ASAP1: variants seen among roughly 807,000 people sequenced by gnomAD.
ASAP1 encodes arf-GAP with SH3 domain, ANK repeat and PH domain-containing protein 1.
A neutral mutation model predicts 145.2 loss-of-function variants in ASAP1; 43 were observed. The ratio of observed to expected loss-of-function variants is 0.30; its 90% confidence interval spans 0.23 to 0.38. ASAP1 has a LOEUF of 0.38. Among genes scored for constraint, ASAP1 ranks in the 10% least tolerant of loss-of-function variants. The pLI, the probability that ASAP1 is intolerant of heterozygous loss-of-function variation, is 1.00. For missense variants in ASAP1, 1,018 were observed against 1,355.3 expected (o/e 0.75, Z 3.91); for synonymous variants, 546 against 515.5 (o/e 1.06, Z -0.80).
rs116698365 is a variant in ASAP1 at position 130,137,346 on chromosome 8, T to A, written c.1081-308A>T. Among the ~76,000 whole-genome samples the A allele has an allele frequency of 3.7e-3, 563 of 152,336 alleles. 6 individuals are homozygous for A. The highest frequency in any genetic ancestry group is 0.013 in the African/African-American group (536 of 41,574). On this transcript the variant is annotated intron_variant, in intron 13 of 29. Coordinates refer to ENST00000518721, the MANE Select transcript of ASAP1 (RefSeq NM_018482.4). ...GGTGTCCTACTAAATGTCTTTAAACTGTGCATAAATATCCTGGTGATTTTT... is the reference window on the plus strand; with the variant it reads ...GGTGTCCTACTAAATGTCTTTAAACAGTGCATAAATATCCTGGTGATTTTT...
At chr8:130,243,717 G>T (rs1292187112) in intron 3 of ASAP1, among the ~76,000 whole-genome samples, 1 of 152,076 alleles carries the variant, frequency 6.6e-6, no homozygotes, top group Non-Finnish European at 1.5e-5. Flanking sequence ...ATCTAAACGG[G>T]CCTAGCTTGT....
chr8:130,071,107 C>A (rs2097445602), intron 27 of ASAP1, among the ~76,000 whole-genome samples: 1 of 150,726 alleles, frequency 6.6e-6, no homozygotes, highest in Non-Finnish European at 1.5e-5. Flanking sequence ...CTACCCGATG[C>A]AGTGATCCTA....
intron 2 of ASAP1, among the ~76,000 whole-genome samples, chr8:130,370,087 G>T (rs1827141414): frequency 6.6e-6 from 1 of 152,158 alleles, no homozygotes; most frequent in African/African-American, 2.4e-5. Context: ...GATCACCTGA[G>T]ATCAGGAGTT....
chr8:130,327,634 G>A (rs1453397216), intron 3 of ASAP1, among the ~76,000 whole-genome samples: 1 of 152,194 alleles, frequency 6.6e-6, no homozygotes, highest in African/African-American at 2.4e-5. Context: ...TGGAATAGCT[G>A]CTAAAGTAAG....
intron 13 of ASAP1, 34 bp downstream of exon 13, chr8:130,152,702 C>A (rs1284336391): frequency 6.5e-7 from 1 of 1,549,496 alleles, no homozygotes; most frequent in Admixed American, 1.7e-5. Flanking sequence ...GCTTTCTGGC[C>A]CATGAGGCAG....
chr8:130,295,639 C>A (rs1469105827), intron 3 of ASAP1, among the ~76,000 whole-genome samples: 1 of 152,190 alleles, frequency 6.6e-6, no homozygotes. Flanking sequence ...AACCCAGGAG[C>A]AGAAAAGCTT....
chr8:130,311,621 C>T (rs1823347303), intron 3 of ASAP1, among the ~76,000 whole-genome samples: 1 of 151,950 alleles, frequency 6.6e-6, no homozygotes, highest in South Asian at 2.1e-4. Context: ...ATTAGCTGGG[C>T]ATGGTGGCAC....
chr8:130,311,680 G>A (rs555139471), intron 3 of ASAP1, among the ~76,000 whole-genome samples: 94 of 151,142 alleles, frequency 6.2e-4, no homozygotes, highest in Middle Eastern at 3.4e-3. Context: ...AGAATCGCTT[G>A]AACCCGGGAG....
intron 11 of ASAP1, among the ~76,000 whole-genome samples, chr8:130,162,556 C>T (rs1467310330): frequency 6.6e-6 from 1 of 152,128 alleles, no homozygotes; most frequent in African/African-American, 2.4e-5. Context: ...CAGTGGCTCA[C>T]GCCTGTAATC....
At chr8:130,313,893 C>T (rs1037664373) in intron 3 of ASAP1, among the ~76,000 whole-genome samples, 8 of 152,178 alleles carry the variant, frequency 5.3e-5, no homozygotes, top group Admixed American at 1.3e-4. Flanking sequence ...CTCGACACCA[C>T]GTCCCATGCT....
intron 3 of ASAP1, among the ~76,000 whole-genome samples, chr8:130,243,537 C>T (rs192413001): frequency 3.3e-5 from 5 of 152,140 alleles, no homozygotes; most frequent in African/African-American, 9.7e-5. Flanking sequence ...CAAGGCCCTA[C>T]GTGACCCAGC....
intron 24 of ASAP1, among the ~76,000 whole-genome samples, chr8:130,109,744 C>G (rs896723240): frequency 1.1e-4 from 16 of 152,174 alleles, no homozygotes; most frequent in African/African-American, 3.9e-4. Context: ...GAGCTCCATT[C>G]TAAACATTAT....
At chr8:130,273,392 T>C (rs1005931634) in intron 3 of ASAP1, among the ~76,000 whole-genome samples, 1 of 152,092 alleles carries the variant, frequency 6.6e-6, no homozygotes, top group African/African-American at 2.4e-5. Context: ...CCACTCAAGG[T>C]CTGCAGAAGG....
chr8:130,251,311 G>A (rs1383170629), intron 3 of ASAP1, among the ~76,000 whole-genome samples: 1 of 152,078 alleles, frequency 6.6e-6, no homozygotes, highest in Non-Finnish European at 1.5e-5. Context: ...CCAGCTAGTC[G>A]GGAGGCTGAG....
intron 1 of ASAP1, among the ~76,000 whole-genome samples, chr8:130,411,973 G>C (rs1296057295): frequency 6.6e-6 from 1 of 152,132 alleles, no homozygotes; most frequent in Non-Finnish European, 1.5e-5. Flanking sequence ...GCATGGAAAG[G>C]AGTTTACTCC....
intron 5 of ASAP1, among the ~76,000 whole-genome samples, chr8:130,213,809 T>C (rs1816725794): frequency 6.6e-6 from 1 of 152,142 alleles, no homozygotes; most frequent in South Asian, 2.1e-4. Context: ...TCCGTCCAGG[T>C]GGTGTTACCC....
At chr8:130,087,608 T>C (rs1461372447) in intron 25 of ASAP1, among the ~76,000 whole-genome samples, 1 of 152,124 alleles carries the variant, frequency 6.6e-6, no homozygotes, top group Non-Finnish European at 1.5e-5. Context: ...ATGGGAGTGA[T>C]GCCAGTGCTG....
rs530859186 is a variant in ASAP1 at position 130,123,938 on chromosome 8, AAAG to A, written c.1607+72_1607+74del. On this transcript the variant is annotated intron_variant, in intron 18 of 29. Coordinates refer to ENST00000518721, the MANE Select transcript of ASAP1 (RefSeq NM_018482.4). ...CCACTGCACCCAGCCAAAAAAAAAA[AAAG>A]AAGTTTTTTGGAAGGGTAGAAAAAC... 397 of 1,220,690 alleles carry A rather than the reference AAAG, an allele frequency of 3.3e-4. 1 individual carries two copies. In the African/African-American group the frequency reaches 4.3e-3, roughly 13 times the overall value. 75.6% of individuals were successfully genotyped at this position (1,220,690 alleles called of 1,614,324 possible).
At chr8:130,130,888 C>T (rs183470695) in intron 15 of ASAP1, among the ~76,000 whole-genome samples, 16 of 151,750 alleles carry the variant, frequency 1.1e-4, no homozygotes, top group Non-Finnish European at 1.6e-4. Flanking sequence ...AAAAAAGCCA[C>T]GCTCACGCCT....
Sources: allele counts gnomAD v4.1 joint callset (sites outside exome capture counted in the v4.1 genomes callset), GRCh38; gene constraint gnomAD v4.1.1; transcripts MANE v1.5; gene names NCBI Gene and HGNC (gene_info 2026-07-23, HGNC 2026-07-21).